VTI1A: variants seen among roughly 807,000 people sequenced by gnomAD.
VTI1A encodes the protein vesicle transport through interaction with t-SNAREs 1A, also known as vesicle transport through interaction with t-SNAREs homolog 1A.
A neutral mutation model predicts 34.9 loss-of-function variants in VTI1A; 22 were observed. The ratio of observed to expected loss-of-function variants is 0.63; its 90% CI spans 0.45 to 0.90. VTI1A has a LOEUF of 0.90. Among genes scored for constraint, VTI1A ranks in the 40% least tolerant of loss-of-function variants. The probability of loss-of-function intolerance (pLI) is 0.00; values close to 1 mark genes in which losing one functional copy is unlikely to be tolerated. For missense variants in VTI1A, 268 were observed against 275.6 expected (o/e 0.97, Z 0.20); for synonymous variants, 87 against 97.3 (o/e 0.89, Z 0.62).
chr10:112,837,498 C>T, the VTI1A span, among the ~76,000 whole-genome samples: 1 of 152,190 alleles, frequency 6.6e-6, no homozygotes, highest in Non-Finnish European at 1.5e-5. Context: ...TCAATCAGAG[C>T]TGCAGCTGAC....
Position 112,609,533 on chromosome 10 carries a change from A to G in VTI1A, c.428-58685A>G, listed in dbSNP as rs184781086. Among the ~76,000 whole-genome samples, 34 of 152,342 alleles carry G rather than the reference A, an allele frequency of 2.2e-4. No individual in the cohort carries two copies. The East Asian group carries it at 4.4e-3, about 20-fold the overall frequency. ...ATACTTTTGAGTATAGTAGAAGACAATAAATGTTGAATGGATACATGAATG... is the reference window on the plus strand; with the variant it reads ...ATACTTTTGAGTATAGTAGAAGACAGTAAATGTTGAATGGATACATGAATG... On this transcript the variant is annotated intron_variant, in intron 5 of 7. Transcript: ENST00000393077.
chr10:112,737,985 TC>T, intron 7 of VTI1A: 1 of 730,824 alleles, frequency 1.4e-6, no homozygotes, highest in Non-Finnish European at 1.7e-6. Flanking sequence ...TCCTCCGATG[TC>T]CAGAGATCAA....
At chr10:112,639,034 G>A (rs939009676) in intron 5 of VTI1A, among the ~76,000 whole-genome samples, 1 of 152,028 alleles carries the variant, frequency 6.6e-6, no homozygotes, top group Non-Finnish European at 1.5e-5. Context: ...TATCAAAGTG[G>A]AAGCCTGTAT....
chr10:112,578,130 A>G (rs985736860), intron 5 of VTI1A, among the ~76,000 whole-genome samples: 15 of 152,234 alleles, frequency 9.9e-5, no homozygotes, highest in African/African-American at 3.6e-4. Flanking sequence ...AGTGGCATAT[A>G]GGACAGCTCA....
rs953167933 is a variant in VTI1A, at chr10:112,620,561, C to T, written c.428-47657C>T. On this transcript the variant is annotated intron_variant, in intron 5 of 7. Coordinates refer to ENST00000393077, the MANE Select transcript of VTI1A (RefSeq NM_145206.4). ...ATCCCAAAACTTTGGGAGGCCGAGG[C>T]GGGTGGATGACCTGAAGTCAGGAGT... 3.3e-5 allele frequency among the ~76,000 whole-genome samples: 5 copies of T among 152,148 alleles called. No individual in the cohort carries two copies. In the East Asian group the frequency reaches 9.7e-4, roughly 29 times the overall value.
intron 7 of VTI1A, among the ~76,000 whole-genome samples, chr10:112,707,521 A>G (rs947913486): frequency 6.6e-6 from 1 of 151,956 alleles, no homozygotes; most frequent in African/African-American, 2.4e-5. Context: ...TTTAGTAGAG[A>G]CAGGGTTTCA....
At chr10:112,785,578 CT>C (rs1168329254) in intron 7 of VTI1A, among the ~76,000 whole-genome samples, 1 of 152,044 alleles carries the variant, frequency 6.6e-6, no homozygotes, top group African/African-American at 2.4e-5. Context: ...AAATCTTTGC[CT>C]GTCCCAAGGT....
chr10:112,548,776 C>G, intron 5 of VTI1A: 1 of 1,485,862 alleles, frequency 6.7e-7, no homozygotes, highest in Non-Finnish European at 9.1e-7. Context: ...GCTCTCGACA[C>G]ACATGGGCTT....
chr10:112,577,431 C>T (rs1843753359), intron 5 of VTI1A, among the ~76,000 whole-genome samples: 1 of 152,088 alleles, frequency 6.6e-6, no homozygotes, highest in Non-Finnish European at 1.5e-5. Flanking sequence ...GAAGTATATA[C>T]CACCAAGAGT....
chr10:112,612,440 G>C lies in VTI1A; in HGVS notation c.428-55778G>C, dbSNP rs144467922. On this transcript the variant is annotated intron_variant, in intron 5 of 7. Transcript: ENST00000393077. The stretch of plus-strand genomic sequence containing the variant: ...GTTTTGTTTTTGTTTTAAGAGACAG[G>C]GTCTTGCTCACTCTGTCACCCCGGC... Among the ~76,000 whole-genome samples, 221 of 152,182 alleles carry C rather than the reference G, an allele frequency of 1.5e-3. 10 individuals are homozygous for C. The East Asian group carries it at 0.037, about 25-fold the overall frequency.
chr10:112,561,164 A>G (rs1851713605), intron 5 of VTI1A, among the ~76,000 whole-genome samples: 1 of 152,202 alleles, frequency 6.6e-6, no homozygotes, highest in Non-Finnish European at 1.5e-5. Context: ...TACCCTGCAA[A>G]CTAGTGTATA....
intron 5 of VTI1A, among the ~76,000 whole-genome samples, chr10:112,634,500 GACACAC>G (rs780354021): frequency 1.0e-5 from 1 of 96,860 alleles, no homozygotes; most frequent in African/African-American, 4.2e-5. Context: ...CACACACACA[GACACAC>G]ACACACATAC....
At chr10:112,501,466 C>CA (rs1271581486) in intron 3 of VTI1A, among the ~76,000 whole-genome samples, 2 of 151,420 alleles carry the variant, frequency 1.3e-5, no homozygotes, top group African/African-American at 4.9e-5. Flanking sequence ...AAGATATTTA[C>CA]AAAAAAATGA....
rs1554894130 is a variant in VTI1A, at chr10:112,518,651, G to GTATATATATATATGTATATACGTGTA, written c.265-8423_265-8422insGTATATACGTGTATATATATATATAT. ...TGTGTATATATATGTGTATATACGT[G>GTATATATATATATGTATATACGTGTA]TATATATATATATATATACACACAC... On this transcript the variant is annotated intron_variant, in intron 3 of 7. Coordinates refer to ENST00000393077, the MANE Select transcript of VTI1A (RefSeq NM_145206.4). Among the ~76,000 whole-genome samples the GTATATATATATATGTATATACGTGTA allele has an allele frequency of 1.3e-4, 17 of 134,130 alleles. 1 individual carries two copies. The East Asian group carries it at 4.1e-3, about 32-fold the overall frequency. 88.0% of individuals were successfully genotyped at this position (134,130 alleles called of 152,430 possible).
At chr10:112,673,931 T>A (rs188946561) in intron 7 of VTI1A, among the ~76,000 whole-genome samples, 128 of 152,270 alleles carry the variant, frequency 8.4e-4, no homozygotes, top group Non-Finnish European at 1.4e-3. Flanking sequence ...AAGCTTTTTT[T>A]AAAAACTCAT....
intron 3 of VTI1A, among the ~76,000 whole-genome samples, chr10:112,488,263 A>G (rs1473814820): frequency 6.6e-6 from 1 of 152,230 alleles, no homozygotes; most frequent in Non-Finnish European, 1.5e-5. Flanking sequence ...GTGATATAGC[A>G]TGCTATGTAA....
At chr10:112,458,522 CATA>C (rs1285496564) in intron 1 of VTI1A, among the ~76,000 whole-genome samples, 2 of 152,172 alleles carry the variant, frequency 1.3e-5, no homozygotes, top group East Asian at 3.9e-4. Context: ...TGTGAGTACA[CATA>C]AAACACCTTA....
intron 5 of VTI1A, among the ~76,000 whole-genome samples, chr10:112,594,384 A>T (rs1418087448): frequency 6.6e-6 from 1 of 152,154 alleles, no homozygotes; most frequent in African/African-American, 2.4e-5. Flanking sequence ...CACTGTTCAC[A>T]GACGACATGA....
At chr10:112,798,786 G>T (rs1852765432) in intron 7 of VTI1A, among the ~76,000 whole-genome samples, 1 of 152,166 alleles carries the variant, frequency 6.6e-6, no homozygotes, top group Admixed American at 6.5e-5. Flanking sequence ...GTAAGTAGAG[G>T]CAACCCTACA....
Sources: allele counts gnomAD v4.1 joint callset (sites outside exome capture counted in the v4.1 genomes callset), GRCh38; gene constraint gnomAD v4.1.1; transcripts MANE v1.5; gene names NCBI Gene and HGNC (gene_info 2026-07-23, HGNC 2026-07-21).